The following NAV3 variants were observed in gnomAD, a reference collection of about 807,000 sequenced individuals.
NAV3 encodes neuron navigator 3.
In NAV3, 87 loss-of-function variants were observed where a neutral mutation model predicts 244.7. The observed-to-expected ratio is 0.36, with a 90% CI of 0.30 to 0.42. The LOEUF (loss-of-function observed/expected upper bound fraction) is 0.42, where lower values mean the gene tolerates loss of function less well. Among genes scored for constraint, NAV3 ranks in the 20% least tolerant of loss-of-function variants. The pLI is 1.00. For missense variants in NAV3, 2,663 were observed against 2,893.3 expected, an observed-to-expected ratio of 0.92 and a Z score of 1.83; for synonymous variants, 1,126 against 1,042.2, an observed-to-expected ratio of 1.08 and a Z score of -1.55.
At chr12:77,938,099 A>C (rs1212657406) in intron 1 of NAV3, among the ~76,000 whole-genome samples, 1 of 152,118 alleles carries the variant, frequency 6.6e-6, no homozygotes, top group Non-Finnish European at 1.5e-5. Flanking sequence ...ATCCTTTTTC[A>C]ACCCATGGCC....
At position 78,185,930 on chromosome 12, in the gene NAV3, GC is replaced by G. The variant is rs142685453; in HGVS notation, c.5790+236del. ...TCATTCACTGAAAATAATATTAACA[GC>G]CCCTCATTTCTAAAACTTTAAAAAA... On this transcript the variant is annotated intron_variant, in intron 31 of 39. Transcript: ENST00000397909. 6.5e-3 allele frequency among the ~76,000 whole-genome samples: 982 copies of G among 151,884 alleles called. 12 individuals carry two copies. The highest frequency in any genetic ancestry group is 0.023 in the African/African-American group (937 of 41,492).
Position 78,179,542 on chromosome 12 carries a change from A to C in NAV3, c.5377A>C (p.Thr1793Pro). 6.2e-7 allele frequency: 1 copy of C among 1,613,208 alleles called. No individual in the cohort carries two copies. Among genetic ancestry groups the C allele is most frequent in the South Asian group, 1.1e-5 (1 of 91,050 alleles). ...YKHRSRICECTEAEAEIILQL... is the reference protein window; with the variant it reads ...YKHRSRICECPEAEAEIILQL... ...TTCCTTCTTCAGGATCTGTGAATGC[A>C]CAGAAGCTGAGGCAGAGATAATTCT... The change falls in exon 29 of 40, where the codon ACA becomes CCA. Residue 1793 changes from threonine (T) to proline (P), a missense_variant. Thr to Pro is a conservative substitution (Grantham distance 38). This residue lies in a region of NAV3 where 193 missense variants were observed against 200.7 expected (regional missense o/e 0.96). Coordinates refer to ENST00000397909, the MANE Select transcript of NAV3 (RefSeq NM_001024383.2).
chr12:77,898,456 G>T (rs1038705972), intron 1 of NAV3, among the ~76,000 whole-genome samples: 1 of 152,134 alleles, frequency 6.6e-6, no homozygotes, highest in Non-Finnish European at 1.5e-5. Flanking sequence ...AAATAAACTT[G>T]ATGAAGATGT....
intron 38 of NAV3, 34 bp downstream of exon 38, chr12:78,200,625 TAA>T (rs148251715): frequency 3.2e-5 from 33 of 1,036,682 alleles, no homozygotes; most frequent in African/African-American, 1.5e-4. Context: ...TATTTTTTTT[TAA>T]AAAAAAAAAG....
chr12:78,077,483 T>C (rs7974543), intron 12 of NAV3, among the ~76,000 whole-genome samples: 9,148 of 152,334 alleles, frequency 0.06, 620 homozygotes, highest in African/African-American at 0.17. Context: ...TAAATAACAG[T>C]GTACAATTTG....
chr12:77,709,284 G>A (rs1255907588), intron 2 of NAV3, among the ~76,000 whole-genome samples: 1 of 152,092 alleles, frequency 6.6e-6, no homozygotes, highest in African/African-American at 2.4e-5. Context: ...AATAAATTAG[G>A]TATTGATGGG....
At chr12:77,780,135 G>A (rs1451032554) in intron 2 of NAV3, among the ~76,000 whole-genome samples, 1 of 152,118 alleles carries the variant, frequency 6.6e-6, no homozygotes, top group Non-Finnish European at 1.5e-5. Context: ...CAGAGGAAGT[G>A]GAGCGAGGCG....
chr12:78,148,715 C>A, intron 21 of NAV3, 127 bp from the exon 22 acceptor site: 1 of 710,254 alleles, frequency 1.4e-6, no homozygotes, highest in Non-Finnish European at 2.4e-6. Context: ...CCTTTATTTT[C>A]AGGAGTTGCT....
chr12:77,941,683 T>A (rs1208330182), intron 3 of NAV3, among the ~76,000 whole-genome samples: 2 of 152,182 alleles, frequency 1.3e-5, no homozygotes, highest in East Asian at 3.9e-4. Flanking sequence ...CCCAGCTATC[T>A]CTTATCTTTA....
intron 12 of NAV3, among the ~76,000 whole-genome samples, chr12:78,064,939 T>C (rs61936202): frequency 0.11 from 16,151 of 152,108 alleles, 958 homozygotes; most frequent in South Asian, 0.2. Context: ...GAGTCTGGAC[T>C]CTTATGAGAA....
chr12:77,738,537 G>A (rs545255363), intron 2 of NAV3, among the ~76,000 whole-genome samples: 1 of 152,310 alleles, frequency 6.6e-6, no homozygotes, highest in East Asian at 1.9e-4. Flanking sequence ...ACAGAAGGAA[G>A]TGTTCAAGCA....
chr12:78,150,985 G>A (rs1462531841), intron 22 of NAV3, among the ~76,000 whole-genome samples: 4 of 151,600 alleles, frequency 2.6e-5, no homozygotes, highest in African/African-American at 9.7e-5. Context: ...GCATATCTGT[G>A]GCTTTAAAAT....
intron 1 of NAV3, among the ~76,000 whole-genome samples, chr12:77,935,657 G>T (rs1889251226): frequency 6.6e-6 from 1 of 152,134 alleles, no homozygotes; most frequent in Non-Finnish European, 1.5e-5. Flanking sequence ...TGAGGTATTA[G>T]TCTGTTTTCA....
At chr12:77,743,071 G>A (rs932362958) in intron 2 of NAV3, among the ~76,000 whole-genome samples, 20 of 151,862 alleles carry the variant, frequency 1.3e-4, no homozygotes, top group Admixed American at 3.3e-4. Context: ...TTTGCAGTTC[G>A]GGTTGCTTGC....
intron 12 of NAV3, among the ~76,000 whole-genome samples, chr12:78,064,058 G>A (rs1884663050): frequency 6.6e-6 from 1 of 152,164 alleles, no homozygotes; most frequent in African/African-American, 2.4e-5. Context: ...GATAAAGACA[G>A]GTAGAGTGCT....
chr12:77,873,744 G>GTGTATGTATATATATATATATATA (rs776225440), intron 1 of NAV3, among the ~76,000 whole-genome samples: 4 of 73,182 alleles, frequency 5.5e-5, no homozygotes, highest in African/African-American at 1.8e-4. Flanking sequence ...ATGTGTGTGT[G>GTGTATGTATATATATATATATATA]TATATATATA....
chr12:77,968,818 A>G, intron 5 of NAV3, 116 bp downstream of exon 5: 4 of 986,562 alleles, frequency 4.1e-6, no homozygotes, highest in Non-Finnish European at 5.9e-6. Flanking sequence ...TATCAGTGTG[A>G]TGGGATTATT....
intron 7 of NAV3, among the ~76,000 whole-genome samples, chr12:78,000,499 A>ATTTT (rs1202996900): frequency 9.7e-5 from 10 of 103,294 alleles, no homozygotes; most frequent in African/African-American, 1.8e-4. Context: ...CACTTAAAAC[A>ATTTT]TTTTTTTTTT....
intron 23 of NAV3, among the ~76,000 whole-genome samples, chr12:78,167,915 A>G (rs141607017): frequency 9.1e-4 from 138 of 151,718 alleles, no homozygotes; most frequent in African/African-American, 3.2e-3. Flanking sequence ...AAAATGAGTT[A>G]TTTCTGATAA....
Sources: gnomAD v4.1 joint callset for allele counts (sites outside exome capture counted in the v4.1 genomes callset) on GRCh38, gnomAD v4.1.1 for gene constraint, gnomAD v4.1.1 regional missense constraint, MANE v1.5 for transcripts, NCBI Gene and HGNC (gene_info 2026-07-23, HGNC 2026-07-21) for gene names.